The following PARD3 variants were observed in gnomAD, a reference collection of about 807,000 sequenced individuals.
PARD3 encodes the protein partitioning defective 3 homolog.
A neutral mutation model predicts 155.4 loss-of-function variants in PARD3; 75 were observed. The ratio of observed to expected loss-of-function variants is 0.48; its 90% CI spans 0.40 to 0.58. The LOEUF is 0.58. PARD3 is among the 20% of genes least tolerant of loss of function. PARD3 has a pLI of 0.00. For missense variants in PARD3, 1,642 were observed against 1,721.7 expected, an observed-to-expected ratio of 0.95 and a Z score of 0.82; for synonymous variants, 576 against 610.5, an observed-to-expected ratio of 0.94 and a Z score of 0.83.
At chr10:34,378,825 G>A (rs1044974285) in intron 9 of PARD3, among the ~76,000 whole-genome samples, 2 of 152,050 alleles carry the variant, frequency 1.3e-5, no homozygotes, top group Non-Finnish European at 2.9e-5. Flanking sequence ...AATTAATGAT[G>A]CATTTATAAA....
intron 2 of PARD3, among the ~76,000 whole-genome samples, chr10:34,623,565 T>C (rs186606497): frequency 1.4e-3 from 213 of 152,290 alleles, no homozygotes; most frequent in African/African-American, 4.8e-3. Flanking sequence ...AGACTTCCTA[T>C]AGTTAACCAA....
chr10:34,278,268 G>A (rs1376167728), intron 21 of PARD3, among the ~76,000 whole-genome samples: 4 of 152,140 alleles, frequency 2.6e-5, no homozygotes, highest in Non-Finnish European at 4.4e-5. Flanking sequence ...GGCTGGTATC[G>A]AACTCCTGGC....
At position 34,201,728 on chromosome 10, in the gene PARD3, T is replaced by C. The variant is rs73268950; in HGVS notation, c.3419+67929A>G. 8.5e-3 allele frequency among the ~76,000 whole-genome samples: 1,287 copies of C among 152,290 alleles called. 25 individuals carry two copies. Among genetic ancestry groups the C allele is most frequent in the African/African-American group, 0.029 (1,217 of 41,556 alleles). ...GGTATGTTAAAAAATAAAATGAATTTTAACACATCAAGAGATTCATGTACC... is the reference window on the plus strand; with the variant it reads ...GGTATGTTAAAAAATAAAATGAATTCTAACACATCAAGAGATTCATGTACC... On this transcript the variant is annotated intron_variant, in intron 22 of 24. Coordinates refer to ENST00000374788, the MANE Select transcript of PARD3 (RefSeq NM_001184785.2).
intron 22 of PARD3, among the ~76,000 whole-genome samples, chr10:34,134,959 A>C (rs1947814928): frequency 6.6e-6 from 1 of 152,232 alleles, no homozygotes; most frequent in Non-Finnish European, 1.5e-5. Context: ...AAGCTAAAGG[A>C]AATTTTAAAT....
intron 14 of PARD3, among the ~76,000 whole-genome samples, chr10:34,356,126 G>T (rs1359471479): frequency 6.6e-6 from 1 of 152,014 alleles, no homozygotes; most frequent in Non-Finnish European, 1.5e-5. Flanking sequence ...CAGATTCCTG[G>T]AAGGCTAAGC....
intron 5 of PARD3, among the ~76,000 whole-genome samples, chr10:34,444,569 TG>T (rs1242401920): frequency 1.3e-5 from 2 of 152,202 alleles, no homozygotes; most frequent in African/African-American, 4.8e-5. Flanking sequence ...ATGACTCTGA[TG>T]TAGGATTCAG....
At chr10:34,645,185 AT>A (rs1273127773) in intron 2 of PARD3, among the ~76,000 whole-genome samples, 3 of 104,500 alleles carry the variant, frequency 2.9e-5, no homozygotes, top group African/African-American at 1.1e-4. Context: ...ATTTTATTTT[AT>A]TTTTATTTTA....
chr10:34,754,576 T>C (rs1836474531), intron 1 of PARD3, among the ~76,000 whole-genome samples: 1 of 152,202 alleles, frequency 6.6e-6, no homozygotes, highest in Non-Finnish European at 1.5e-5. Flanking sequence ...GCAACAAATC[T>C]CTCCTTTTCA....
chr10:34,130,688 T>G (rs1324699493), intron 23 of PARD3, among the ~76,000 whole-genome samples: 1 of 152,154 alleles, frequency 6.6e-6, no homozygotes, highest in Non-Finnish European at 1.5e-5. Context: ...GTTTTTTCAC[T>G]CTGGTGGCTA....
chr10:34,522,916 T>G (rs977135149), intron 2 of PARD3, among the ~76,000 whole-genome samples: 1 of 152,262 alleles, frequency 6.6e-6, no homozygotes, highest in Non-Finnish European at 1.5e-5. Context: ...CTTCCTGCTC[T>G]GGAGCATCTA....
intron 1 of PARD3, among the ~76,000 whole-genome samples, chr10:34,715,718 C>T (rs1174861766): frequency 6.6e-6 from 1 of 152,190 alleles, no homozygotes; most frequent in Non-Finnish European, 1.5e-5. Flanking sequence ...TGCATTCATT[C>T]CACAAATATT....
At chr10:34,552,472 C>T (rs1292324307) in intron 2 of PARD3, among the ~76,000 whole-genome samples, 2 of 152,208 alleles carry the variant, frequency 1.3e-5, no homozygotes, top group African/African-American at 4.8e-5. Flanking sequence ...CTTTGGGAGG[C>T]CAAGGCAGGT....
intron 1 of PARD3, among the ~76,000 whole-genome samples, chr10:34,760,846 GAGAC>G (rs959745422): frequency 1.5e-4 from 23 of 152,156 alleles, no homozygotes; most frequent in African/African-American, 5.1e-4. Flanking sequence ...ACTGCAACCT[GAGAC>G]AGACAGCCGT....
intron 22 of PARD3, among the ~76,000 whole-genome samples, chr10:34,176,337 C>T (rs1950030980): frequency 6.6e-6 from 1 of 152,116 alleles, no homozygotes; most frequent in African/African-American, 2.4e-5. Flanking sequence ...TAATATGTAA[C>T]ATTATTAAGA....
intron 5 of PARD3, among the ~76,000 whole-genome samples, chr10:34,438,683 A>T (rs925912264): frequency 6.6e-6 from 1 of 152,214 alleles, no homozygotes; most frequent in Admixed American, 6.5e-5. Flanking sequence ...TGCCTGGGCC[A>T]TTTTAGGACA....
At chr10:34,440,202 T>C (rs147858362) in intron 5 of PARD3, among the ~76,000 whole-genome samples, 1 of 152,332 alleles carries the variant, frequency 6.6e-6, no homozygotes, top group Admixed American at 6.5e-5. Context: ...AGCAGGCTTG[T>C]AGGACACAGG....
intron 2 of PARD3, among the ~76,000 whole-genome samples, chr10:34,588,723 G>A (rs530196484): frequency 1.4e-4 from 21 of 152,222 alleles, no homozygotes; most frequent in African/African-American, 4.8e-4. Flanking sequence ...ACACTGAGTG[G>A]TTCTGAAACA....
chr10:34,187,037 T>C (rs777935158), intron 22 of PARD3, among the ~76,000 whole-genome samples: 2 of 152,202 alleles, frequency 1.3e-5, no homozygotes, highest in African/African-American at 4.8e-5. Flanking sequence ...CTTAAGAGCA[T>C]TACCTTCTGG....
chr10:34,516,736 AT>A (rs1349762592), intron 3 of PARD3, among the ~76,000 whole-genome samples: 20 of 152,214 alleles, frequency 1.3e-4, no homozygotes, highest in African/African-American at 4.8e-4. Flanking sequence ...AACTTGAACT[AT>A]TGTCCTTATT....
Sources: gnomAD v4.1 joint callset for allele counts (sites outside exome capture counted in the v4.1 genomes callset) on GRCh38, gnomAD v4.1.1 for gene constraint, MANE v1.5 for transcripts, NCBI Gene and HGNC (gene_info 2026-07-23, HGNC 2026-07-21) for gene names.